Variants in PCDH11X observed in about 807,000 individuals in gnomAD.
PCDH11X encodes the protein protocadherin-11 X-linked.
A neutral mutation model predicts 53.3 loss-of-function variants in PCDH11X; 18 were observed. The ratio of observed to expected loss-of-function variants is 0.34; its 90% confidence interval spans 0.23 to 0.50. PCDH11X has a LOEUF of 0.50. PCDH11X is among the 20% of genes least tolerant of loss of function. The probability of loss-of-function intolerance (pLI) is 0.98; values close to 1 mark genes in which losing one functional copy is unlikely to be tolerated. For missense variants in PCDH11X, 570 were observed against 1,032.4 expected, an observed-to-expected ratio of 0.55 and a Z score of 6.14; for synonymous variants, 279 against 393.3, an observed-to-expected ratio of 0.71 and a Z score of 3.44.
chrX:92,434,409 G>A (rs1318175055), intron 9 of PCDH11X, among the ~76,000 whole-genome samples: 5 of 109,498 alleles, frequency 4.6e-5, no homozygotes. Flanking sequence ...TCAGTCTCTG[G>A]CAGACTATGT....
intron 8 of PCDH11X, among the ~76,000 whole-genome samples, chrX:92,315,540 GT>G (rs750560978): frequency 8.1e-5 from 9 of 110,993 alleles, no homozygotes; most frequent in African/African-American, 1.6e-4. Context: ...AATTATTTAA[GT>G]TTTTTTTGTT....
intron 8 of PCDH11X, among the ~76,000 whole-genome samples, chrX:92,364,746 G>A (rs1233846819): frequency 9.6e-6 from 1 of 104,201 alleles, no homozygotes. Flanking sequence ...AGCTCAAATC[G>A]TTTTCTCTTT....
intron 8 of PCDH11X, among the ~76,000 whole-genome samples, chrX:92,269,804 G>A (rs76300212): frequency 8.1e-5 from 9 of 111,065 alleles, no homozygotes; most frequent in Non-Finnish European, 1.1e-4. Context: ...TCATCTCCCC[G>A]CTATTAACTA....
At chrX:92,521,523 T>A (rs1175539322) in intron 10 of PCDH11X, among the ~76,000 whole-genome samples, 1 of 112,264 alleles carries the variant, frequency 8.9e-6, no homozygotes, top group East Asian at 2.8e-4. Flanking sequence ...TCAGTTCATT[T>A]AGCGTAATTC....
intron 6 of PCDH11X, among the ~76,000 whole-genome samples, chrX:92,052,554 T>C (rs1192848164): frequency 4.7e-5 from 3 of 63,669 alleles, no homozygotes. Flanking sequence ...TCTCTTTCTC[T>C]GTCTCTCAAC....
chrX:91,940,250 T>G (rs1328327305), intron 6 of PCDH11X, among the ~76,000 whole-genome samples: 1 of 111,382 alleles, frequency 9.0e-6, no homozygotes, highest in East Asian at 2.9e-4. Context: ...GATGTTATAC[T>G]TCCTGTACAG....
intron 7 of PCDH11X, among the ~76,000 whole-genome samples, chrX:92,256,900 T>C (rs373712025): frequency 3.6e-4 from 40 of 111,780 alleles, no homozygotes; most frequent in African/African-American, 1.2e-3. Flanking sequence ...CTCAGTCCTT[T>C]TTTTTCCGTT....
At chrX:92,417,517 A>C (rs1446067314) in intron 9 of PCDH11X, among the ~76,000 whole-genome samples, 3 of 111,611 alleles carry the variant, frequency 2.7e-5, no homozygotes, top group Non-Finnish European at 5.7e-5. Flanking sequence ...ATAGTGAAAT[A>C]GAAAGTTTTT....
chrX:91,798,082 A>AG (rs1039969244), intron 1 of PCDH11X: 4 of 110,872 alleles, frequency 3.6e-5, no homozygotes, highest in African/African-American at 1.3e-4. Context: ...TTGAAAAAAA[A>AG]AAGAATCAGT....
chrX:92,116,053 A>G (rs2064631384), intron 6 of PCDH11X, among the ~76,000 whole-genome samples: 1 of 111,930 alleles, frequency 8.9e-6, no homozygotes, highest in African/African-American at 3.2e-5. Context: ...ATAGTTGCCC[A>G]TAATTTAAAA....
At chrX:92,293,490 A>G (rs12560062) in intron 8 of PCDH11X, among the ~76,000 whole-genome samples, 4,169 of 109,065 alleles carry the variant, frequency 0.038, 142 homozygotes, top group East Asian at 0.27. Context: ...CGGGCGTGGT[A>G]GCGGGCGCCT....
chrX:92,131,588 G>C (rs781073964), intron 6 of PCDH11X, among the ~76,000 whole-genome samples: 2 of 111,588 alleles, frequency 1.8e-5, no homozygotes, highest in Admixed American at 9.6e-5. Flanking sequence ...AAGTTTTCCA[G>C]AGCTTATATA....
At chrX:92,486,579 T>A (rs1399650837) in intron 10 of PCDH11X, among the ~76,000 whole-genome samples, 1 of 111,879 alleles carries the variant, frequency 8.9e-6, no homozygotes, top group African/African-American at 3.2e-5. Context: ...ACACTTCTAT[T>A]TTTAAATTTC....
rs570600940 is a variant in PCDH11X at position 92,431,085 on chromosome X, T to G, written c.3344-37214T>G. ...AATGTAAAAGAAAGCTTACCTCAAC[T>G]TTACTATATAATATTGTCTCTTGGA... is the stretch of plus-strand genomic sequence containing the variant. On this transcript the variant is annotated intron_variant, in intron 9 of 10. Coordinates refer to ENST00000682573, the MANE Select transcript of PCDH11X (RefSeq NM_032968.5). Among the ~76,000 whole-genome samples the G allele has an allele frequency of 6.9e-4, 77 of 111,454 alleles. No homozygotes were observed. In the South Asian group the frequency reaches 0.025, roughly 37 times the overall value.
At chrX:91,969,645 A>T (rs2147903529) in intron 6 of PCDH11X, among the ~76,000 whole-genome samples, 1 of 108,404 alleles carries the variant, frequency 9.2e-6, no homozygotes, top group African/African-American at 3.4e-5. Context: ...CAAAAAATAA[A>T]AAATTACCAG....
chrX:92,446,670 A>G (rs35264799), intron 9 of PCDH11X, among the ~76,000 whole-genome samples: 2 of 111,662 alleles, frequency 1.8e-5, no homozygotes, highest in Non-Finnish European at 3.8e-5. Flanking sequence ...CCAGTCTCAG[A>G]TATGTCTTTA....
intron 10 of PCDH11X, among the ~76,000 whole-genome samples, chrX:92,575,978 GTATATATATATATATATA>G (rs1173562560): frequency 2.2e-4 from 4 of 18,448 alleles, no homozygotes; most frequent in African/African-American, 1.0e-3. Context: ...CACCTGGGGT[GTATATATATATATATATA>G]TATATATATA....
intron 10 of PCDH11X, among the ~76,000 whole-genome samples, chrX:92,517,271 C>T (rs769178162): frequency 4.5e-5 from 5 of 111,608 alleles, no homozygotes; most frequent in South Asian, 3.8e-4. Context: ...TGTGTGTGTG[C>T]GTGCATACCA....
intron 8 of PCDH11X, among the ~76,000 whole-genome samples, chrX:92,321,282 A>T (rs1383519680): frequency 5.2e-5 from 5 of 95,940 alleles, no homozygotes; most frequent in South Asian, 5.4e-4. Context: ...GAGCTCCGCC[A>T]CCCTGGTTCA....
Sources: allele counts gnomAD v4.1 joint callset (sites outside exome capture counted in the v4.1 genomes callset), GRCh38; gene constraint gnomAD v4.1.1; transcripts MANE v1.5; gene names NCBI Gene and HGNC (gene_info 2026-07-23, HGNC 2026-07-21).